XAB2: variants seen among roughly 807,000 people sequenced by gnomAD.
XAB2 encodes pre-mRNA-splicing factor SYF1.
A neutral mutation model predicts 113.4 loss-of-function variants in XAB2; 57 were observed. The ratio of observed to expected loss-of-function variants is 0.50; its 90% confidence interval spans 0.41 to 0.63. The LOEUF (loss-of-function observed/expected upper bound fraction) is 0.63. Among genes scored for constraint, XAB2 ranks in the 20% least tolerant of loss-of-function variants. XAB2 has a pLI of 0.00. For synonymous variants in XAB2, 497 were observed against 498.8 expected (o/e 1.00, Z 0.05); for missense variants, 1,037 against 1,233.3 (o/e 0.84, Z 2.38).
chr19:7,628,143 T>C lies in XAB2; in HGVS notation c.200+7A>G, dbSNP rs754372583. 1.2e-6 allele frequency: 2 copies of C among 1,610,786 alleles called. No individual in the cohort carries two copies. The highest frequency in any genetic ancestry group is 1.7e-5 in the Admixed American group (1 of 59,420). ...CTGGTGGGCAGGGCAGCTGGAGCCA[T>C]TCCCACCTGCAGGGCAGCAGCTTGA... is the stretch of plus-strand genomic sequence containing the variant. On this transcript the variant is annotated splice_region_variant and intron_variant, in intron 2 of 18. Coordinates refer to ENST00000358368, the MANE Select transcript of XAB2 (RefSeq NM_020196.3). The surrounding 1 kb of genome is among the most constrained non-coding windows in gnomAD (Gnocchi z 4.6).
rs778350602 is a variant in XAB2, at chr19:7,620,952, G to A, written c.1865C>T (p.Ala622Val). Residue 622 changes from alanine to valine, a missense_variant, in exon 14 of 19, where the codon GCC becomes GTC. Ala to Val is a moderately conservative substitution (Grantham distance 64). Transcript: ENST00000358368. ...GTCATACTGCTGGGCGGGCTCCACG[G>A]CCCTGGTGGCACGCTCGTACACGGC... ...AMAVYERATR[A>V]VEPAQQYDMF... The A allele has an allele frequency of 1.3e-6, 2 of 1,586,318 alleles. No homozygotes were observed. Among genetic ancestry groups the A allele is most frequent in the Admixed American group, 1.8e-5 (1 of 54,236 alleles).
Position 7,625,831 on chromosome 19 carries a change from C to T in XAB2, c.822+49G>A, listed in dbSNP as rs766121882. ...TGTGTCAACATGTGTCCCCGAGTGT[C>T]GGAGGGAGACCCCGCCCCGAACCCA... is the stretch of plus-strand genomic sequence containing the variant. On this transcript the variant is annotated intron_variant, in intron 6 of 18. Coordinates refer to ENST00000358368, the MANE Select transcript of XAB2 (RefSeq NM_020196.3). This position sits in a 1 kb window ranked among gnomAD's most constrained non-coding sequence, Gnocchi z 5.2. The T allele has an allele frequency of 1.3e-5, 20 of 1,555,868 alleles. No homozygotes were observed. The highest frequency in any genetic ancestry group is 5.5e-5 in the Admixed American group (3 of 54,190).
intron 14 of XAB2, 74 bp downstream of exon 14, chr19:7,620,772 C>T: frequency 1.3e-6 from 2 of 1,572,614 alleles, no homozygotes; most frequent in Non-Finnish European, 1.7e-6. Flanking sequence ...CCTCCTCAGC[C>T]CCTCCCACCT....
At position 7,623,810 on chromosome 19, in the gene XAB2, C is replaced by T; in HGVS notation, c.1040G>A (p.Ser347Asn). Residue 347 changes from serine (S) to asparagine (N), a missense_variant, in exon 8 of 19, where the codon AGC becomes AAC. Physicochemically the swap from Ser to Asn is conservative, Grantham distance 46. Coordinates refer to ENST00000358368, the MANE Select transcript of XAB2 (RefSeq NM_020196.3). This position sits in a 1 kb window ranked among gnomAD's most constrained non-coding sequence, Gnocchi z 4.6. The part of the protein sequence containing the change: ...LISRRPLLLN[S>N]VLLRQNPHHV... The stretch of plus-strand genomic sequence containing the variant: ...GTGTGGGTTTTGGCGCAGCAAGACG[C>T]TGTTGAGGAGCAGGGGCCGCCGGCT... The T allele has an allele frequency of 6.2e-7, 1 of 1,612,028 alleles. No individual in the cohort carries two copies.
rs765805403 is a variant in XAB2 at position 7,622,910 on chromosome 19, A to G, written c.1240-17T>C. On this transcript the variant is annotated splice_polypyrimidine_tract_variant and intron_variant, in intron 9 of 18. Coordinates refer to ENST00000358368, the MANE Select transcript of XAB2 (RefSeq NM_020196.3). ...GACACGGGCCTGCCGGGGCGGGCAG[A>G]GGCGAGGCTGAGACCCTGCCCACCT... The G allele has an allele frequency of 6.2e-7, 1 of 1,612,188 alleles. No individual in the cohort carries two copies. Among genetic ancestry groups the G allele is most frequent in the Non-Finnish European group, 8.5e-7 (1 of 1,179,398 alleles).
Position 7,627,747 on chromosome 19 carries a change from G to A in XAB2, c.305C>T (p.Ala102Val). 2 of 1,614,082 alleles carry A rather than the reference G, an allele frequency of 1.2e-6. No individual in the cohort carries two copies. The highest frequency in any genetic ancestry group is 1.7e-6 in the Non-Finnish European group (2 of 1,180,020). Residue 102 changes from alanine to valine, a missense_variant, in exon 3 of 19, where the codon GCC (alanine) becomes GTC (valine). Physicochemically the swap from Ala to Val is moderately conservative, Grantham distance 64. Transcript: ENST00000358368. This position sits in a 1 kb window ranked among gnomAD's most constrained non-coding sequence, Gnocchi z 4.5. ...CCAAACCTTGTGCATGAACACAAAGGCCCTCTCATGACAGTTGTTGACATC... is the reference window on the plus strand; with the variant it reads ...CCAAACCTTGTGCATGAACACAAAGACCCTCTCATGACAGTTGTTGACATC... ...YEDVNNCHER[A>V]FVFMHKMPRL...
In XAB2 at chr19:7,627,640, C is replaced by CA. The variant is rs2031167496; in HGVS notation, c.324+87dup. On this transcript the variant is annotated intron_variant, in intron 3 of 18. Coordinates refer to ENST00000358368, the MANE Select transcript of XAB2 (RefSeq NM_020196.3). This position sits in a 1 kb window ranked among gnomAD's most constrained non-coding sequence, Gnocchi z 4.5. ...CAGGAATCCAAGCCCCCATCCCTAA[C>CA]ATGCTGAGCCCAGCCCCTGTCCCCG... 1.9e-6 allele frequency: 3 copies of CA among 1,577,650 alleles called. No individual in the cohort carries two copies. The East Asian group carries it at 6.7e-5, about 35-fold the overall frequency.
Position 7,627,553 on chromosome 19 carries a change from G to T in XAB2, c.325-113C>A. The T allele has an allele frequency of 6.6e-7, 1 of 1,505,306 alleles. No homozygotes were observed. Among genetic ancestry groups the T allele is most frequent in the Non-Finnish European group, 9.0e-7 (1 of 1,109,112 alleles). The allele number at this position is 1,505,306 out of a possible 1,614,324, so 93.2% of individuals were successfully genotyped here. The stretch of plus-strand genomic sequence containing the variant: ...CCTGGGGCCACCACATAAATGCGGC[G>T]GGACCCAGAAACCCCCAGCTCCAGG... On this transcript the variant is annotated intron_variant, in intron 3 of 18. Coordinates refer to ENST00000358368, the MANE Select transcript of XAB2 (RefSeq NM_020196.3). The surrounding 1 kb of genome is among the most constrained non-coding windows in gnomAD (Gnocchi z 4.5).
Position 7,626,113 on chromosome 19 carries a change from TTGCCGGC to T in XAB2, c.657+16_657+22del, listed in dbSNP as rs2031134999. Reference sequence around the variant, plus strand: ...TGGAGGGGGTGGCCCTCCCACCCAGTTGCCGGCTCCCGGCAGGCCCACCTGGTAGTTG... The same window carrying T: ...TGGAGGGGGTGGCCCTCCCACCCAGTTCCCGGCAGGCCCACCTGGTAGTTG... On this transcript the variant is annotated intron_variant, in intron 5 of 18. Coordinates refer to ENST00000358368, the MANE Select transcript of XAB2 (RefSeq NM_020196.3). 1 of 1,613,070 alleles carries T rather than the reference TTGCCGGC, an allele frequency of 6.2e-7. No individual in the cohort carries two copies. The highest frequency in any genetic ancestry group is 1.1e-5 in the South Asian group (1 of 91,020).
At position 7,626,172 on chromosome 19, in the gene XAB2, C is replaced by T. The variant is rs2031136588; in HGVS notation, c.621G>A (p.Glu207=). The part of the protein sequence containing the change: ...AQRLATVVND[E]RFVSKAGKSN... ...ACTTGCCGGCCTTAGACACGAAACG[C>T]TCGTCGTTCACCACGGTGGCCAGGC... The change falls in exon 5 of 19, where the codon GAG becomes GAA. Residue 207 remains glutamate (E), a synonymous_variant. Coordinates refer to ENST00000358368, the MANE Select transcript of XAB2 (RefSeq NM_020196.3). 9 of 1,613,762 alleles carry T rather than the reference C, an allele frequency of 5.6e-6. No individual in the cohort carries two copies. The highest frequency in any genetic ancestry group is 7.6e-6 in the Non-Finnish European group (9 of 1,180,032).
rs942047796 is a variant in XAB2, at chr19:7,625,059, G to A, written c.823-614C>T. Among the ~76,000 whole-genome samples the A allele has an allele frequency of 5.9e-5, 9 of 152,230 alleles. No individual in the cohort carries two copies. The highest frequency in any genetic ancestry group is 2.1e-4 in the South Asian group (1 of 4,836). On this transcript the variant is annotated intron_variant, in intron 6 of 18. Coordinates refer to ENST00000358368, the MANE Select transcript of XAB2 (RefSeq NM_020196.3). This position sits in a 1 kb window ranked among gnomAD's most constrained non-coding sequence, Gnocchi z 5.2. ...CCCCAGCCAGGAGCATGGCCAGCCC[G>A]TTTGGCTTTCGAGGCTCCCAACCTA...
Position 7,627,675 on chromosome 19 carries a change from C to G in XAB2, c.324+53G>C. ...CCAGCCCCTGTCCCCGCCCCACCCA[C>G]CACCATGGACTGAGCTCCACTTCCC... On this transcript the variant is annotated intron_variant, in intron 3 of 18. Coordinates refer to ENST00000358368, the MANE Select transcript of XAB2 (RefSeq NM_020196.3). The surrounding 1 kb of genome is among the most constrained non-coding windows in gnomAD (Gnocchi z 4.5). 3 of 1,601,630 alleles carry G rather than the reference C, an allele frequency of 1.9e-6. No individual in the cohort carries two copies. The highest frequency in any genetic ancestry group is 1.7e-5 in the Admixed American group (1 of 59,666).
intron 12 of XAB2, chr19:7,621,637 C>T (rs1415564817): frequency 1.1e-5 from 4 of 352,168 alleles, no homozygotes; most frequent in Non-Finnish European, 2.1e-5. Flanking sequence ...GAGGGGCAGG[C>T]AGTAGCACGC....
Position 7,625,848 on chromosome 19 carries a change from C to A in XAB2, c.822+32G>T. 1 of 1,572,902 alleles carries A rather than the reference C, an allele frequency of 6.4e-7. No homozygotes were observed. Among genetic ancestry groups the A allele is most frequent in the South Asian group, 1.2e-5 (1 of 85,966 alleles). The stretch of plus-strand genomic sequence containing the variant: ...CCGAGTGTCGGAGGGAGACCCCGCC[C>A]CGAACCCAGAGCCCCGTGTGCCAGC... On this transcript the variant is annotated intron_variant, in intron 6 of 18. Coordinates refer to ENST00000358368, the MANE Select transcript of XAB2 (RefSeq NM_020196.3). The surrounding 1 kb of genome is among the most constrained non-coding windows in gnomAD (Gnocchi z 5.2).
intron 4 of XAB2, 99 bp from the exon 5 acceptor site, chr19:7,626,369 G>A: frequency 6.6e-7 from 1 of 1,517,848 alleles, no homozygotes; most frequent in Non-Finnish European, 8.9e-7. Context: ...ACCCATTTAT[G>A]AGTGTCTTGG....
In XAB2 at chr19:7,626,241, A is replaced by G. The variant is rs1568455265; in HGVS notation, c.552T>C (p.Ile184=). The change falls in exon 5 of 19, where the codon ATT becomes ATC. Residue 184 remains isoleucine, a synonymous_variant. Coordinates refer to ENST00000358368, the MANE Select transcript of XAB2 (RefSeq NM_020196.3). The part of the protein sequence containing the change: ...KLSPESAEEY[I]EYLKSSDRLD... The stretch of plus-strand genomic sequence containing the variant: ...GCCGGTCACTTGACTTGAGGTACTC[A>G]ATGTACTCCTCTGCACTCTCAGGAC... 6.2e-7 allele frequency: 1 copy of G among 1,613,192 alleles called. No homozygotes were observed. Among genetic ancestry groups the G allele is most frequent in the Non-Finnish European group, 8.5e-7 (1 of 1,180,018 alleles).
rs4134830 is a variant in XAB2 at position 7,627,093 on chromosome 19, C to T, written c.522+150G>A. 4.1e-5 allele frequency: 37 copies of T among 912,930 alleles called. No homozygotes were observed. The highest frequency in any genetic ancestry group is 3.8e-4 in the African/African-American group (23 of 59,864). 56.6% of individuals were successfully genotyped at this position (912,930 alleles called of 1,614,324 possible). ...GAACAAACTATTTGGAAAATAAAGA[C>T]ATGAATCACGGACAACAACAAAACA... On this transcript the variant is annotated intron_variant, in intron 4 of 18. Coordinates refer to ENST00000358368, the MANE Select transcript of XAB2 (RefSeq NM_020196.3). This position sits in a 1 kb window ranked among gnomAD's most constrained non-coding sequence, Gnocchi z 4.5.
At chr19:7,621,862 A>C (rs898761572) in intron 12 of XAB2, 28 of 194,488 alleles carry the variant, frequency 1.4e-4, no homozygotes, top group Non-Finnish European at 1.8e-4. Context: ...TCATGGGTGC[A>C]CGTGGAAGTA....
Position 7,628,401 on chromosome 19 carries a change from T to A in XAB2, c.52-103A>T. Reference sequence around the variant, plus strand: ...CAGGTCCAAACTCCGGACTTTTACCTAGATCCCACCACCCACCAAGGAAGT... The same window carrying A: ...CAGGTCCAAACTCCGGACTTTTACCAAGATCCCACCACCCACCAAGGAAGT... On this transcript the variant is annotated intron_variant, in intron 1 of 18. Transcript: ENST00000358368. This position sits in a 1 kb window ranked among gnomAD's most constrained non-coding sequence, Gnocchi z 4.6. 1 of 1,429,720 alleles carries A rather than the reference T, an allele frequency of 7.0e-7. No individual in the cohort carries two copies. Among genetic ancestry groups the A allele is most frequent in the Non-Finnish European group, 9.6e-7 (1 of 1,046,380 alleles). 88.6% of individuals were successfully genotyped at this position (1,429,720 alleles called of 1,614,324 possible). A position where few individuals can be genotyped will look rare whatever the true frequency, so the allele number is the denominator to read the frequency against.
Sources: gnomAD v4.1 joint callset for allele counts (sites outside exome capture counted in the v4.1 genomes callset) on GRCh38, gnomAD v4.1.1 for gene constraint, Gnocchi (gnomAD v3.1) non-coding constraint, MANE v1.5 for transcripts, NCBI Gene and HGNC (gene_info 2026-07-23, HGNC 2026-07-21) for gene names.